PSCA: variants seen among roughly 807,000 people sequenced by gnomAD.
PSCA encodes prostate stem cell antigen.
PSCA carries 7 observed loss-of-function variants against 7.9 expected under a neutral mutation model. The ratio of observed to expected loss-of-function variants is 0.89; its 90% CI spans 0.51 to 1.67. PSCA has a LOEUF of 1.67. Ranked by LOEUF, PSCA falls within the 40% of genes most tolerant of loss-of-function variation. PSCA has a pLI of 0.00. For synonymous variants in PSCA, 61 were observed against 68.3 expected, an observed-to-expected ratio of 0.89 and a Z score of 0.53; for missense variants, 151 against 147.9, an observed-to-expected ratio of 1.02 and a Z score of -0.11.
intron 1 of PSCA, chr8:142,680,986 G>A (rs988134265): frequency 2.0e-5 from 9 of 447,632 alleles, no homozygotes; most frequent in Admixed American, 7.0e-5. Flanking sequence ...GTCTACATCC[G>A]GCCCAGTCCC....
chr8:142,680,566 G>A lies in PSCA; in HGVS notation c.25+3G>A. The A allele has an allele frequency of 6.4e-7, 1 of 1,554,126 alleles. No individual in the cohort carries two copies. Among genetic ancestry groups the A allele is most frequent in the Non-Finnish European group, 8.7e-7 (1 of 1,148,388 alleles). On this transcript the variant is annotated splice_donor_region_variant and intron_variant, in intron 1 of 2. Transcript: ENST00000301258. ...GGCAGGCTTGGCCCTGCAGCCAGGT[G>A]AGGCCTTGGCTGGCCCCCAGCAGGG...
chr8:142,681,551 C>T lies in PSCA; in HGVS notation c.133+117C>T, dbSNP rs180720800. The T allele has an allele frequency of 1.2e-3, 973 of 845,576 alleles. 6 individuals are homozygous for T. Among genetic ancestry groups the T allele is most frequent in the African/African-American group, 0.011 (682 of 60,018 alleles). The allele number at this position is 845,576 out of a possible 1,614,324, so 52.4% of individuals were successfully genotyped here. ...CCTTCCACCTGTCCCCGACCCGTCC[C>T]GCACCTGCACCCCCAACAATCACCC... On this transcript the variant is annotated intron_variant, in intron 2 of 2. Transcript: ENST00000301258.
At chr8:142,674,451 C>T (rs587688813) in intron 1 of PSCA, among the ~76,000 whole-genome samples, 8 of 151,656 alleles carry the variant, frequency 5.3e-5, no homozygotes, top group South Asian at 2.1e-4. Flanking sequence ...CTCAGCAGAG[C>T]GCAGATCCCC....
intron 2 of PSCA, 81 bp downstream of exon 2, chr8:142,681,515 T>C (rs782275397): frequency 3.9e-6 from 5 of 1,272,100 alleles, no homozygotes; most frequent in Admixed American, 4.0e-5. Flanking sequence ...TCCGCATCTG[T>C]GTGCTGTTTT....
At chr8:142,679,026 C>T (rs2920281), upstream of PSCA, among the ~76,000 whole-genome samples, 55,974 of 148,906 alleles carry the variant, frequency 0.38, 11,288 homozygotes, top group Admixed American at 0.48. Context: ...CACCGCCCAG[C>T]GGGCTGGGCC....
chr8:142,678,013 C>T (rs1461325704), upstream of PSCA, among the ~76,000 whole-genome samples: 1 of 152,062 alleles, frequency 6.6e-6, no homozygotes, highest in Non-Finnish European at 1.5e-5. Flanking sequence ...TCGTCCCTGC[C>T]CCCATCAGTA....
At chr8:142,677,176 G>C (rs1038239217), upstream of PSCA, among the ~76,000 whole-genome samples, 1 of 152,164 alleles carries the variant, frequency 6.6e-6, no homozygotes, top group African/African-American at 2.4e-5. Flanking sequence ...TTGGGGTGAG[G>C]TCAGAACCCA....
chr8:142,680,513 C>T lies in PSCA; in HGVS notation c.-26C>T, dbSNP rs2294008. 0.45 allele frequency: 700,096 copies of T among 1,552,278 alleles called. 159,752 individuals are homozygous for T. The highest frequency in any genetic ancestry group is 0.54 in the Admixed American group (27,663 of 51,140). ...CTCCACCACAGCCCACCAGTGACCA[C>T]GAAGGCTGTGCTGCTTGCCCTGTTG... On this transcript the variant is annotated 5_prime_UTR_variant, in exon 1 of 3. The change creates a new upstream start codon in the 5' untranslated region. Coordinates refer to ENST00000301258, the MANE Select transcript of PSCA (RefSeq NM_005672.5).
chr8:142,674,010 C>CT (rs1478221004), intron 1 of PSCA, among the ~76,000 whole-genome samples: 27 of 148,730 alleles, frequency 1.8e-4, no homozygotes, highest in African/African-American at 6.2e-4. Context: ...CGCAGATCAC[C>CT]CATCTTCCTA....
rs115138890 is a variant in PSCA, at chr8:142,681,909, G to T, written c.134-12G>T. 2.4e-5 allele frequency: 36 copies of T among 1,515,462 alleles called. No homozygotes were observed. The highest frequency in any genetic ancestry group is 3.1e-5 in the Non-Finnish European group (35 of 1,125,018). 93.9% of individuals were successfully genotyped at this position (1,515,462 alleles called of 1,614,324 possible). A position where few individuals can be genotyped will look rare whatever the true frequency, so the allele number is the denominator to read the frequency against. ...CAGGGCAGCCCCATCCCCGGATCCC[G>T]CTGCTCCCCAGGCGCAGTTGGCCTC... On this transcript the variant is annotated splice_polypyrimidine_tract_variant and intron_variant, in intron 2 of 2. Coordinates refer to ENST00000301258, the MANE Select transcript of PSCA (RefSeq NM_005672.5).
At chr8:142,679,594 A>G (rs1376756455), upstream of PSCA, among the ~76,000 whole-genome samples, 3 of 152,210 alleles carry the variant, frequency 2.0e-5, no homozygotes, top group Admixed American at 1.3e-4. Context: ...TATATTGAAG[A>G]TATACATTGG....
chr8:142,682,130 T>C lies in PSCA; in HGVS notation c.343T>C (p.Ter115GlnextTer34), dbSNP rs1814661035. The C allele has an allele frequency of 6.3e-7, 1 of 1,598,426 alleles. No individual in the cohort carries two copies. The change falls in exon 3 of 3, where the codon TAG (stop) becomes CAG (glutamine). Residue 115 changes from the stop codon to glutamine (Q), a stop_lost. Transcript: ENST00000301258. The part of the protein sequence containing the change: ...GLLLWGPGQL[*>Q] Reference sequence around the variant, plus strand: ...GCTGCTCTGGGGACCCGGCCAGCTCTAGGCTCTGGGGGGCCCCGCTGCAGC... The same window carrying C: ...GCTGCTCTGGGGACCCGGCCAGCTCCAGGCTCTGGGGGGCCCCGCTGCAGC...
In PSCA at chr8:142,682,200, C is replaced by G. The variant is rs2976393; in HGVS notation, c.*68C>G. The stretch of plus-strand genomic sequence containing the variant: ...CCAGGCCTCTGTGCCACTCCTCACA[C>G]ACCCGGCCCAGTGGGAGCCTGTCCT... On this transcript the variant is annotated 3_prime_UTR_variant, in exon 3 of 3. Coordinates refer to ENST00000301258, the MANE Select transcript of PSCA (RefSeq NM_005672.5). The G allele has an allele frequency of 0.45, 673,853 of 1,507,258 alleles. 152,685 individuals are homozygous for G. Among genetic ancestry groups the G allele is most frequent in the Admixed American group, 0.54 (28,313 of 52,570 alleles). 93.4% of individuals were successfully genotyped at this position (1,507,258 alleles called of 1,614,324 possible). A position where few individuals can be genotyped will look rare whatever the true frequency, so the allele number is the denominator to read the frequency against.
At chr8:142,680,891 G>A in intron 1 of PSCA, 1 of 534,424 alleles carries the variant, frequency 1.9e-6, no homozygotes, top group Non-Finnish European at 3.4e-6. Context: ...GGAGCTGGGA[G>A]ACATGGGACA....
intron 1 of PSCA, among the ~76,000 whole-genome samples, chr8:142,672,798 C>A (rs2129853152): frequency 6.6e-6 from 1 of 152,330 alleles, no homozygotes; most frequent in African/African-American, 2.4e-5. Flanking sequence ...CAGACCCCAG[C>A]AGATTTTATA....
Position 142,682,420 on chromosome 8 carries a change from C to T in PSCA, c.*288C>T, listed in dbSNP as rs1814669093. 6.0e-6 allele frequency: 4 copies of T among 671,102 alleles called. No individual in the cohort carries two copies. The highest frequency in any genetic ancestry group is 1.1e-5 in the Non-Finnish European group (4 of 364,886). The allele number at this position is 671,102 out of a possible 1,614,324, so 41.6% of individuals were successfully genotyped here. A position where few individuals can be genotyped will look rare whatever the true frequency, so the allele number is the denominator to read the frequency against. On this transcript the variant is annotated 3_prime_UTR_variant, in exon 3 of 3. Coordinates refer to ENST00000301258, the MANE Select transcript of PSCA (RefSeq NM_005672.5). Reference sequence around the variant, plus strand: ...GGCCCAGCATTCTCCACCCTTAACCCTGTGCTCAGGCACCTCTTCCCCCAG... The same window carrying T: ...GGCCCAGCATTCTCCACCCTTAACCTTGTGCTCAGGCACCTCTTCCCCCAG...
chr8:142,679,520 C>T (rs1847437392), upstream of PSCA, among the ~76,000 whole-genome samples: 1 of 152,216 alleles, frequency 6.6e-6, no homozygotes, highest in South Asian at 2.1e-4. Flanking sequence ...AGAACATGTG[C>T]CCAAGGTGGT....
In PSCA at chr8:142,681,415, G is replaced by A. The variant is rs1554638318; in HGVS notation, c.114G>A (p.Gln38=). The A allele has an allele frequency of 1.3e-6, 2 of 1,591,848 alleles. No homozygotes were observed. Among genetic ancestry groups the A allele is most frequent in the Non-Finnish European group, 1.7e-6 (2 of 1,169,514 alleles). Reference sequence around the variant, plus strand: ...AGAACTGCACCCAGCTGGGGGAGCAGTGCTGGACCGCGCGCATCCGTGAGT... The same window carrying A: ...AGAACTGCACCCAGCTGGGGGAGCAATGCTGGACCGCGCGCATCCGTGAGT... ...QVENCTQLGE[Q]CWTARIRAVG... Residue 38 remains glutamine (Q), a synonymous_variant, in exon 2 of 3, where the codon CAG becomes CAA. Coordinates refer to ENST00000301258, the MANE Select transcript of PSCA (RefSeq NM_005672.5).
At chr8:142,671,694 A>G (rs764814546) in intron 1 of PSCA, among the ~76,000 whole-genome samples, 1 of 152,090 alleles carries the variant, frequency 6.6e-6, no homozygotes, top group Non-Finnish European at 1.5e-5. Context: ...TGGGACTACA[A>G]GCATGCACTG....
Sources: allele counts gnomAD v4.1 joint callset (sites outside exome capture counted in the v4.1 genomes callset), GRCh38; gene constraint gnomAD v4.1.1; transcripts MANE v1.5; gene names NCBI Gene and HGNC (gene_info 2026-07-23, HGNC 2026-07-21).